The following DIAPH2 variants were observed in gnomAD, a reference collection of about 807,000 sequenced individuals.
The protein encoded by DIAPH2 is diaphanous related formin 2.
In DIAPH2, 35 loss-of-function variants were observed where a neutral mutation model predicts 92.7. The ratio of observed to expected loss-of-function variants is 0.38; its 90% CI spans 0.29 to 0.50. The LOEUF (loss-of-function observed/expected upper bound fraction) is 0.50, where lower values mean the gene tolerates loss of function less well. Among genes scored for constraint, DIAPH2 ranks in the 20% least tolerant of loss-of-function variants. The probability of loss-of-function intolerance (pLI) is 0.94; values close to 1 mark genes in which losing one functional copy is unlikely to be tolerated. For missense variants in DIAPH2, 701 were observed against 819.5 expected, an observed-to-expected ratio of 0.86 and a Z score of 1.77; for synonymous variants, 301 against 280.4, an observed-to-expected ratio of 1.07 and a Z score of -0.73.
intron 5 of DIAPH2, among the ~76,000 whole-genome samples, chrX:96,891,361 C>T (rs1292134008): frequency 1.8e-5 from 2 of 111,851 alleles, no homozygotes; most frequent in African/African-American, 3.2e-5. Context: ...GTGCTTTGAC[C>T]GTAAAGTAAA....
intron 23 of DIAPH2, among the ~76,000 whole-genome samples, chrX:97,260,841 A>G (rs765764280): frequency 2.2e-4 from 25 of 112,211 alleles, no homozygotes; most frequent in Admixed American, 2.1e-3. Flanking sequence ...CGAACTTTTA[A>G]ACCACCAGAG....
chrX:97,146,307 C>G (rs2067247399), intron 22 of DIAPH2, among the ~76,000 whole-genome samples: 1 of 108,599 alleles, frequency 9.2e-6, no homozygotes, highest in African/African-American at 3.3e-5. Flanking sequence ...GTAAAATGAT[C>G]CCGTTCTCTT....
intron 22 of DIAPH2, 85 bp downstream of exon 22, chrX:97,141,879 T>C (rs1164615381): frequency 3.9e-6 from 4 of 1,020,784 alleles, no homozygotes; most frequent in Admixed American, 3.5e-5. Context: ...ACATTATTCA[T>C]AAAAGTATTT....
At chrX:97,253,287 G>GTAAAAAAAAAAAAAA (rs1556010439) in intron 23 of DIAPH2, among the ~76,000 whole-genome samples, 1 of 4,266 alleles carries the variant, frequency 2.3e-4, no homozygotes, top group African/African-American at 3.2e-4. Context: ...GTAGGACTCC[G>GTAAAAAAAAAAAAAA]TAAAAAAAAA....
intron 26 of DIAPH2, among the ~76,000 whole-genome samples, chrX:97,455,304 AT>A (rs1660622107): frequency 8.9e-6 from 1 of 111,982 alleles, no homozygotes; most frequent in East Asian, 2.8e-4. Context: ...GTCCATAGCT[AT>A]TTGTTGAGGC....
chrX:97,049,794 T>A (rs2147893146), intron 17 of DIAPH2, among the ~76,000 whole-genome samples: 1 of 111,557 alleles, frequency 9.0e-6, no homozygotes, highest in East Asian at 2.8e-4. Context: ...GTGATCTTAT[T>A]ACAAATAAGC....
intron 3 of DIAPH2, among the ~76,000 whole-genome samples, 197 bp downstream of exon 3, chrX:96,738,959 T>G (rs1300903294): frequency 9.0e-6 from 1 of 111,411 alleles, no homozygotes; most frequent in African/African-American, 3.3e-5. Context: ...TACCTGTCTA[T>G]CTCTTCCACT....
At chrX:97,414,384 C>CT (rs1299606705) in intron 25 of DIAPH2, among the ~76,000 whole-genome samples, 2 of 111,794 alleles carry the variant, frequency 1.8e-5, no homozygotes, top group Non-Finnish European at 3.8e-5. Context: ...GGCATGGTGG[C>CT]TGACGCCTAT....
In DIAPH2 at chrX:96,918,490, T is replaced by C. The variant is rs1362440441; in HGVS notation, c.870-19T>C. The stretch of plus-strand genomic sequence containing the variant: ...ATAAGAAGTATTTCTCATTTCTGTT[T>C]CTTCTTTTTTCTCTACAGTCTAGAT... On this transcript the variant is annotated intron_variant, in intron 8 of 26. Transcript: ENST00000324765. 1 of 1,062,259 alleles carries C rather than the reference T, an allele frequency of 9.4e-7. No individual in the cohort carries two copies. The highest frequency in any genetic ancestry group is 2.6e-5 in the Admixed American group (1 of 37,810). The allele number at this position is 1,062,259 out of a possible 1,213,427, so 87.5% of individuals were successfully genotyped here.
chrX:96,987,372 T>C (rs746834299), intron 17 of DIAPH2, among the ~76,000 whole-genome samples: 1 of 111,676 alleles, frequency 9.0e-6, no homozygotes, highest in Admixed American at 9.5e-5. Context: ...TGAATTTCTA[T>C]CATATGCCAT....
intron 22 of DIAPH2, among the ~76,000 whole-genome samples, chrX:97,210,854 G>A (rs1038345825): frequency 3.6e-5 from 4 of 111,821 alleles, no homozygotes; most frequent in African/African-American, 1.3e-4. Flanking sequence ...TTATTTCTTA[G>A]ATTGAATGTC....
chrX:97,132,481 A>G (rs764253967), intron 21 of DIAPH2, among the ~76,000 whole-genome samples: 3 of 111,858 alleles, frequency 2.7e-5, no homozygotes, highest in Non-Finnish European at 5.6e-5. Flanking sequence ...ATCTTTTTCA[A>G]TGTTACTGCA....
chrX:97,030,199 A>G (rs1463487734), intron 17 of DIAPH2, among the ~76,000 whole-genome samples: 1 of 111,653 alleles, frequency 9.0e-6, no homozygotes, highest in African/African-American at 3.3e-5. Flanking sequence ...CCCACTTAAC[A>G]TCATTCAAAT....
intron 1 of DIAPH2, among the ~76,000 whole-genome samples, chrX:96,706,470 A>G (rs1277176495): frequency 2.7e-5 from 3 of 112,129 alleles, no homozygotes; most frequent in Non-Finnish European, 3.8e-5. Flanking sequence ...CAGTGGTACT[A>G]GGGATGGAGA....
At chrX:96,832,029 A>G (rs1206117534) in intron 4 of DIAPH2, among the ~76,000 whole-genome samples, 2 of 111,723 alleles carry the variant, frequency 1.8e-5, no homozygotes, top group African/African-American at 6.5e-5. Flanking sequence ...TGACCTTCTA[A>G]GGAGGAGAAC....
Position 96,892,819 on chromosome X carries a change from G to T in DIAPH2, c.587+11101G>T, listed in dbSNP as rs983495355. ...AGGCAATACATTTTCTCGTTTAAAT[G>T]ATGTGTTTTAAACTAGAAAGCCAAT... On this transcript the variant is annotated intron_variant, in intron 5 of 26. Transcript: ENST00000324765. 2.7e-5 allele frequency among the ~76,000 whole-genome samples: 3 copies of T among 111,295 alleles called. No homozygotes were observed. In the East Asian group the frequency reaches 8.4e-4, roughly 31 times the overall value.
At chrX:96,890,001 A>C (rs1243798380) in intron 5 of DIAPH2, among the ~76,000 whole-genome samples, 1 of 111,407 alleles carries the variant, frequency 9.0e-6, no homozygotes, top group South Asian at 3.8e-4. Context: ...GAGAGTTTTG[A>C]GGAATGGAAT....
chrX:97,099,931 T>G (rs914898898), intron 20 of DIAPH2, 136 bp downstream of exon 20: 3 of 315,236 alleles, frequency 9.5e-6, no homozygotes, highest in African/African-American at 8.2e-5. Context: ...TAATATTGGC[T>G]GTCAGAAAAA....
chrX:97,411,246 A>G (rs1281440662), intron 25 of DIAPH2, among the ~76,000 whole-genome samples: 1 of 112,240 alleles, frequency 8.9e-6, no homozygotes, highest in East Asian at 2.8e-4. Context: ...GGGGGCCAAT[A>G]TTCAACATTC....
Sources: gnomAD v4.1 joint callset for allele counts (sites outside exome capture counted in the v4.1 genomes callset) on GRCh38, gnomAD v4.1.1 for gene constraint, MANE v1.5 for transcripts, NCBI Gene and HGNC (gene_info 2026-07-23, HGNC 2026-07-21) for gene names.